CLASP2: variants seen among roughly 807,000 people sequenced by gnomAD.
The protein encoded by CLASP2 is CLIP-associating protein 2.
CLASP2 carries 47 observed loss-of-function variants against 194.4 expected under a neutral mutation model. The ratio of observed to expected loss-of-function variants is 0.24; its 90% CI spans 0.19 to 0.31. The LOEUF is 0.31. Ranked by LOEUF, CLASP2 falls within the 10% of genes least tolerant of loss-of-function variation. The probability of loss-of-function intolerance (pLI) is 1.00; values close to 1 mark genes in which losing one functional copy is unlikely to be tolerated. For missense variants in CLASP2, 1,445 were observed against 1,823.6 expected (o/e 0.79, Z 3.78); for synonymous variants, 619 against 633.5 (o/e 0.98, Z 0.34).
At chr3:33,523,024 T>C (rs2053584199) in intron 34 of CLASP2, among the ~76,000 whole-genome samples, 1 of 152,132 alleles carries the variant, frequency 6.6e-6, no homozygotes. Flanking sequence ...TGCAGTAAGC[T>C]GAGATCGCGC....
intron 1 of CLASP2, among the ~76,000 whole-genome samples, chr3:33,700,511 T>C (rs562648075): frequency 1.2e-3 from 188 of 152,114 alleles, no homozygotes; most frequent in African/African-American, 3.9e-3. Flanking sequence ...ACTAGGTCTA[T>C]TGAGTTTAGT....
chr3:33,595,019 A>G, intron 19 of CLASP2, 51 bp from the exon 20 acceptor site: 1 of 1,222,762 alleles, frequency 8.2e-7, no homozygotes, highest in Non-Finnish European at 1.1e-6. Flanking sequence ...CAATGTTGAT[A>G]TTAAGACCTA....
intron 27 of CLASP2, chr3:33,564,114 C>G (rs2154182849): frequency 2.8e-6 from 1 of 350,924 alleles, no homozygotes; most frequent in East Asian, 8.4e-5. Context: ...TTTCCCATCT[C>G]TAACACATAC....
intron 29 of CLASP2, chr3:33,559,062 G>C: frequency 1.7e-6 from 1 of 582,968 alleles, no homozygotes; most frequent in Non-Finnish European, 3.1e-6. Flanking sequence ...GTTGAATACA[G>C]ATGCAAACAC....
Position 33,576,903 on chromosome 3 carries a change from GT to G in CLASP2, c.2348-629del, listed in dbSNP as rs1242246905. The stretch of plus-strand genomic sequence containing the variant: ...TTAAAACACTTCATCCACCATTTTG[GT>G]TTTTTTTTTTTTAAACATATATACA... On this transcript the variant is annotated intron_variant, in intron 23 of 38. Coordinates refer to ENST00000682230, the MANE Select transcript of CLASP2 (RefSeq NM_001365631.1). Among the ~76,000 whole-genome samples, 329 of 140,292 alleles carry G rather than the reference GT, an allele frequency of 2.3e-3. 1 individual carries two copies. The highest frequency in any genetic ancestry group is 5.4e-3 in the African/African-American group (207 of 38,562). 92.0% of individuals were successfully genotyped at this position (140,292 alleles called of 152,430 possible).
At position 33,608,642 on chromosome 3, in the gene CLASP2, T is replaced by G; in HGVS notation, c.1389-16A>C. Reference sequence around the variant, plus strand: ...AAATGAACGTCTGAAAAATAAAAGTTGAATGATAACTAAATGTTGTATTGA... The same window carrying G: ...AAATGAACGTCTGAAAAATAAAAGTGGAATGATAACTAAATGTTGTATTGA... On this transcript the variant is annotated splice_polypyrimidine_tract_variant and intron_variant, in intron 13 of 38. Transcript: ENST00000682230. 1 of 1,564,230 alleles carries G rather than the reference T, an allele frequency of 6.4e-7. No homozygotes were observed. The highest frequency in any genetic ancestry group is 2.3e-5 in the East Asian group (1 of 44,418).
At chr3:33,514,073 C>T (rs1192127527) in intron 36 of CLASP2, among the ~76,000 whole-genome samples, 4 of 152,130 alleles carry the variant, frequency 2.6e-5, no homozygotes, top group African/African-American at 7.2e-5. Context: ...CTGCAGCCTC[C>T]GCCTCCCTGG....
intron 13 of CLASP2, 84 bp from the exon 14 acceptor site, chr3:33,608,710 C>CCTAAATT: frequency 1.3e-6 from 1 of 796,522 alleles, no homozygotes; most frequent in Non-Finnish European, 2.0e-6. Context: ...CACTTTGCCC[C>CCTAAATT]CTAAATTAAA....
chr3:33,658,119 A>G (rs2084625095), intron 7 of CLASP2, among the ~76,000 whole-genome samples: 1 of 152,184 alleles, frequency 6.6e-6, no homozygotes, highest in South Asian at 2.1e-4. Flanking sequence ...AAGCTCAAGT[A>G]TTAAGTGTTA....
chr3:33,602,455 C>T (rs535692392), intron 18 of CLASP2: 932 of 700,802 alleles, frequency 1.3e-3, no homozygotes, highest in Non-Finnish European at 2.1e-3. Flanking sequence ...CGCAAACCAA[C>T]GTCAACTTTT....
chr3:33,718,059 C>T lies in CLASP2; in HGVS notation c.-57G>A, dbSNP rs1559733621. On this transcript the variant is annotated 5_prime_UTR_variant, in exon 1 of 39. Coordinates refer to ENST00000682230, the MANE Select transcript of CLASP2 (RefSeq NM_001365631.1). ...TGAGCGGCCAACTTTCGCCGAGAGC[C>T]GCCCAGCCTCCAGTGCGGGTCCCCG... The T allele has an allele frequency of 6.3e-6, 9 of 1,432,456 alleles. No homozygotes were observed. Among genetic ancestry groups the T allele is most frequent in the Non-Finnish European group, 5.5e-6 (6 of 1,099,564 alleles). The allele number at this position is 1,432,456 out of a possible 1,614,324, so 88.7% of individuals were successfully genotyped here.
At chr3:33,678,002 G>A (rs1347803348) in intron 6 of CLASP2, among the ~76,000 whole-genome samples, 1 of 146,234 alleles carries the variant, frequency 6.8e-6, no homozygotes, top group East Asian at 2.1e-4. Context: ...CTTATTACTA[G>A]ACTGCACACT....
chr3:33,689,965 C>T (rs769893712), intron 2 of CLASP2, 33 bp from the exon 3 acceptor site: 1 of 1,343,864 alleles, frequency 7.4e-7, no homozygotes, highest in South Asian at 1.4e-5. Context: ...AGAGTAATTA[C>T]TTATAACTCA....
intron 5 of CLASP2, among the ~76,000 whole-genome samples, chr3:33,686,466 C>G (rs1236707098): frequency 4.6e-5 from 7 of 152,010 alleles, no homozygotes; most frequent in African/African-American, 1.2e-4. Flanking sequence ...ACTGTGCATG[C>G]GAGGGGATCT....
chr3:33,684,317 G>T, intron 6 of CLASP2, 42 bp downstream of exon 6: 1 of 1,050,120 alleles, frequency 9.5e-7, no homozygotes, highest in Non-Finnish European at 1.4e-6. Context: ...TTTAAAACTA[G>T]TGGTGAAAAA....
chr3:33,674,405 G>A (rs1355720521), intron 6 of CLASP2, among the ~76,000 whole-genome samples: 1 of 151,362 alleles, frequency 6.6e-6, no homozygotes, highest in Non-Finnish European at 1.5e-5. Context: ...CGAGAACAAA[G>A]ACACAACATA....
At chr3:33,621,994 G>A (rs2077190923) in intron 11 of CLASP2, 141 bp downstream of exon 11, 4 of 550,272 alleles carry the variant, frequency 7.3e-6, no homozygotes, top group Middle Eastern at 5.4e-4. Context: ...CATACAGATT[G>A]AATCCTTATG....
Position 33,718,116 on chromosome 3 carries a change from G to A in CLASP2, c.-114C>T. ...CGGGCGGGACTCACTTAGCCCGCCA[G>A]GGGCGCGGCTTGCGGGGCGCAGCGG... On this transcript the variant is annotated 5_prime_UTR_variant, in exon 1 of 39. Coordinates refer to ENST00000682230, the MANE Select transcript of CLASP2 (RefSeq NM_001365631.1). 2.7e-6 allele frequency: 3 copies of A among 1,118,698 alleles called. No individual in the cohort carries two copies. The highest frequency in any genetic ancestry group is 3.5e-6 in the Non-Finnish European group (3 of 851,238). The allele number at this position is 1,118,698 out of a possible 1,614,324, so 69.3% of individuals were successfully genotyped here. A position where few individuals can be genotyped will look rare whatever the true frequency, so the allele number is the denominator to read the frequency against.
chr3:33,602,643 C>CAATT, intron 18 of CLASP2: 2 of 720,500 alleles, frequency 2.8e-6, no homozygotes, highest in Non-Finnish European at 5.1e-6. Context: ...AGATACAAGC[C>CAATT]AATTCCCTTC....
Sources: allele counts gnomAD v4.1 joint callset (sites outside exome capture counted in the v4.1 genomes callset), GRCh38; gene constraint gnomAD v4.1.1; transcripts MANE v1.5; gene names NCBI Gene and HGNC (gene_info 2026-07-23, HGNC 2026-07-21).